The following ANAPC5 variants were observed in gnomAD, a reference collection of about 807,000 sequenced individuals.
ANAPC5 encodes anaphase promoting complex subunit 5, also known as anaphase-promoting complex subunit 5.
A neutral mutation model predicts 91.3 loss-of-function variants in ANAPC5; 60 were observed. That is an observed-to-expected ratio of 0.66 (90% CI 0.53 to 0.81). The LOEUF (loss-of-function observed/expected upper bound fraction) is 0.81, where lower values mean the gene tolerates loss of function less well. ANAPC5 is among the 40% of genes least tolerant of loss of function. The pLI, the probability that ANAPC5 is intolerant of heterozygous loss-of-function variation, is 0.00. For missense variants in ANAPC5, 690 were observed against 931.5 expected, an observed-to-expected ratio of 0.74 and a Z score of 3.37; for synonymous variants, 340 against 364.1, an observed-to-expected ratio of 0.93 and a Z score of 0.75.
chr12:121,328,400 AGGTC>A lies in ANAPC5; in HGVS notation c.1216_1219del (p.Asp406SerfsTer40). The A allele has an allele frequency of 1.2e-6, 2 of 1,613,922 alleles. No individual in the cohort carries two copies. The highest frequency in any genetic ancestry group is 1.7e-6 in the Non-Finnish European group (2 of 1,179,986). ...TGACAGGCTGTGTTTCCAGTGCAGG[AGGTC>A]GGAGTCCTTTAGGGCATCCATCAGC... On this transcript the variant is annotated frameshift_variant, in exon 10 of 17. Coordinates refer to ENST00000261819, the MANE Select transcript of ANAPC5 (RefSeq NM_016237.5). LOFTEE classifies it high-confidence loss of function.
Position 121,342,695 on chromosome 12 carries a change from C to A in ANAPC5, c.591-626G>T, listed in dbSNP as rs1903503882. Reference sequence around the variant, plus strand: ...CCAACATGGTGAAAACCTGTCTCTACTAAAATACAAAAAATTAGCCAAGTG... The same window carrying A: ...CCAACATGGTGAAAACCTGTCTCTAATAAAATACAAAAAATTAGCCAAGTG... On this transcript the variant is annotated intron_variant, in intron 4 of 16. Transcript: ENST00000261819. This position sits in a 1 kb window ranked among gnomAD's most constrained non-coding sequence, Gnocchi z 4.1. 6.6e-6 allele frequency among the ~76,000 whole-genome samples: 1 copy of A among 152,084 alleles called. No homozygotes were observed. Among genetic ancestry groups the A allele is most frequent in the Non-Finnish European group, 1.5e-5 (1 of 68,012 alleles).
chr12:121,349,179 C>G (rs900829352), intron 1 of ANAPC5, among the ~76,000 whole-genome samples: 2 of 152,168 alleles, frequency 1.3e-5, no homozygotes, highest in African/African-American at 4.8e-5. Flanking sequence ...CAAAAATTAA[C>G]TAATTTAAGA....
intron 6 of ANAPC5, among the ~76,000 whole-genome samples, chr12:121,336,271 T>C (rs1555273452): frequency 6.6e-6 from 1 of 152,024 alleles, no homozygotes; most frequent in Non-Finnish European, 1.5e-5. Context: ...AAAATCCAAA[T>C]ACTATTTAAG....
chr12:121,318,694 C>T (rs1902467996), intron 13 of ANAPC5, 86 bp from the exon 14 acceptor site: 4 of 1,206,380 alleles, frequency 3.3e-6, no homozygotes, highest in Non-Finnish European at 4.8e-6. Flanking sequence ...CGCTATAAAC[C>T]TCCCAAGGGA....
intron 15 of ANAPC5, among the ~76,000 whole-genome samples, chr12:121,312,811 C>T (rs1484422234): frequency 1.3e-5 from 2 of 150,512 alleles, no homozygotes; most frequent in African/African-American, 2.5e-5. Flanking sequence ...ACCCAGGAGG[C>T]GGAGGTTGCA....
In ANAPC5 at chr12:121,308,584, G is replaced by C. The variant is rs747383939; in HGVS notation, c.2164C>G (p.His722Asp). 3 of 1,614,120 alleles carry C rather than the reference G, an allele frequency of 1.9e-6. No homozygotes were observed. The South Asian group carries it at 3.3e-5, about 18-fold the overall frequency. ...DVVYFQARLY[H>D]TLGKTQERNR... ...CTCTCCTGGGTCTTCCCCAGGGTAT[G>C]GTAGAGTCTGGCCTGGAAGTAAACG... The change falls in exon 17 of 17, where the codon CAT becomes GAT. Residue 722 changes from histidine (H) to aspartate (D), a missense_variant. Physicochemically the swap from His to Asp is moderately conservative, Grantham distance 81 (BLOSUM62 -1). Transcript: ENST00000261819.
chr12:121,314,118 G>A (rs536982353), intron 15 of ANAPC5, among the ~76,000 whole-genome samples: 17 of 152,248 alleles, frequency 1.1e-4, no homozygotes, highest in Admixed American at 1.0e-3. Flanking sequence ...AGAAAAAATC[G>A]GGGCTGGGCG....
At chr12:121,319,174 A>T (rs1902500601) in intron 13 of ANAPC5, among the ~76,000 whole-genome samples, 1 of 152,062 alleles carries the variant, frequency 6.6e-6, no homozygotes. Flanking sequence ...ATTATAGATA[A>T]CAGCATGTTA....
At chr12:121,330,485 A>G in intron 9 of ANAPC5, 98 bp downstream of exon 9, 1 of 946,854 alleles carries the variant, frequency 1.1e-6, no homozygotes, top group Non-Finnish European at 1.6e-6. Context: ...TTTGAAACCC[A>G]TTCTAAATCT....
Position 121,352,358 on chromosome 12 carries a change from TCTCGGG to T in ANAPC5, c.-24_-19del. The T allele has an allele frequency of 6.3e-7, 1 of 1,576,322 alleles. No homozygotes were observed. The highest frequency in any genetic ancestry group is 2.3e-5 in the East Asian group (1 of 44,130). ...CTGGCCATGGCGGCCCGAGACTAAG[TCTCGGG>T]CCCGCGGCGCGCTGCCGCCAGTTGT... On this transcript the variant is annotated 5_prime_UTR_variant, in exon 1 of 17. Transcript: ENST00000261819.
At position 121,318,282 on chromosome 12, in the gene ANAPC5, CA is replaced by C; in HGVS notation, c.1887del (p.Phe629LeufsTer13). The C allele has an allele frequency of 6.5e-7, 1 of 1,529,052 alleles. No individual in the cohort carries two copies. The highest frequency in any genetic ancestry group is 8.8e-7 in the Non-Finnish European group (1 of 1,139,332). The allele number at this position is 1,529,052 out of a possible 1,614,324, so 94.7% of individuals were successfully genotyped here. On this transcript the variant is annotated frameshift_variant, in exon 15 of 17. Transcript: ENST00000261819. LOFTEE classifies it high-confidence loss of function. ...LASETVLNLAFAQLILGIPEQ... is the reference protein window; with the variant it reads ...LASETVLNLAXAQLILGIPEQ... ...AAAAACAGAGATCGGCTTACCTGCG[CA>C]AAAGCCAAGTTCAGCACTGTTTCAG...
Position 121,352,384 on chromosome 12 carries a change from A to G in ANAPC5, c.-44T>C. On this transcript the variant is annotated 5_prime_UTR_variant, in exon 1 of 17. Coordinates refer to ENST00000261819, the MANE Select transcript of ANAPC5 (RefSeq NM_016237.5). The stretch of plus-strand genomic sequence containing the variant: ...CTCGGGCCCGCGGCGCGCTGCCGCC[A>G]GTTGTCACCACAAGGCACAACACTA... 1 of 1,515,778 alleles carries G rather than the reference A, an allele frequency of 6.6e-7. No homozygotes were observed. Among genetic ancestry groups the G allele is most frequent in the Non-Finnish European group, 9.0e-7 (1 of 1,107,358 alleles). 93.9% of individuals were successfully genotyped at this position (1,515,778 alleles called of 1,614,324 possible).
intron 4 of ANAPC5, among the ~76,000 whole-genome samples, chr12:121,344,082 T>C (rs1230153421): frequency 1.3e-5 from 2 of 152,204 alleles, no homozygotes; most frequent in African/African-American, 4.8e-5. Flanking sequence ...TGATGGACTA[T>C]ATATTGATTC....
chr12:121,342,852 CATCTCAAAAAGAAAAG>C lies in ANAPC5; in HGVS notation c.591-799_591-784del, dbSNP rs571492851. Among the ~76,000 whole-genome samples, 5 of 152,202 alleles carry C rather than the reference CATCTCAAAAAGAAAAG, an allele frequency of 3.3e-5. No individual in the cohort carries two copies. The South Asian group carries it at 1.0e-3, about 32-fold the overall frequency. ...CCAGCCTGGCGGCAGAGCGAGACTT[CATCTCAAAAAGAAAAG>C]ATCACAAAAAGAAAACAATTGAAAT... On this transcript the variant is annotated intron_variant, in intron 4 of 16. Coordinates refer to ENST00000261819, the MANE Select transcript of ANAPC5 (RefSeq NM_016237.5). This position sits in a 1 kb window ranked among gnomAD's most constrained non-coding sequence, Gnocchi z 4.1.
chr12:121,340,671 G>C (rs1903417836), intron 5 of ANAPC5, among the ~76,000 whole-genome samples: 1 of 151,740 alleles, frequency 6.6e-6, no homozygotes, highest in Non-Finnish European at 1.5e-5. Context: ...TCCTGCCTCA[G>C]CCTCCCGAGT....
At chr12:121,318,246 A>G in intron 15 of ANAPC5, 31 bp downstream of exon 15, 1 of 1,499,180 alleles carries the variant, frequency 6.7e-7, no homozygotes, top group South Asian at 1.4e-5. Flanking sequence ...TTGAGCACAA[A>G]TATGTGCTAT....
intron 6 of ANAPC5, 130 bp from the exon 7 acceptor site, chr12:121,335,853 G>T: frequency 1.4e-6 from 1 of 712,818 alleles, no homozygotes; most frequent in Non-Finnish European, 2.2e-6. Flanking sequence ...TCATAGTTTA[G>T]CTTAATCTTC....
intron 7 of ANAPC5, chr12:121,332,459 CAA>C (rs1216894782): frequency 6.6e-6 from 1 of 152,190 alleles, no homozygotes; most frequent in African/African-American, 2.4e-5. Flanking sequence ...CTCAGGAAAA[CAA>C]GAGCACTTCA....
chr12:121,335,745 G>T, intron 6 of ANAPC5, 22 bp from the exon 7 acceptor site: 9 of 1,586,744 alleles, frequency 5.7e-6, no homozygotes, highest in Non-Finnish European at 6.9e-6. Flanking sequence ...AATAATCAAT[G>T]TATTTTAAAC....
Sources: allele counts gnomAD v4.1 joint callset (sites outside exome capture counted in the v4.1 genomes callset), GRCh38; gene constraint gnomAD v4.1.1; non-coding constraint Gnocchi (gnomAD v3.1); transcripts MANE v1.5; gene names NCBI Gene and HGNC (gene_info 2026-07-23, HGNC 2026-07-21).